HERC1: variants seen among roughly 807,000 people sequenced by gnomAD.
The protein encoded by HERC1 is HECT and RLD domain containing E3 ubiquitin protein ligase family member 1.
HERC1 carries 160 observed loss-of-function variants against 554.3 expected under a neutral mutation model. The ratio of observed to expected loss-of-function variants is 0.29; its 90% CI spans 0.25 to 0.33. The LOEUF (loss-of-function observed/expected upper bound fraction) is 0.33, where lower values mean the gene tolerates loss of function less well. Among genes scored for constraint, HERC1 ranks in the 10% least tolerant of loss-of-function variants. The pLI is 1.00. For missense variants in HERC1, 4,919 were observed against 5,918.5 expected, an observed-to-expected ratio of 0.83 and a Z score of 5.54; for synonymous variants, 2,175 against 2,131.7, an observed-to-expected ratio of 1.02 and a Z score of -0.56.
At chr15:63,705,434 T>C (rs368527946) in intron 25 of HERC1, among the ~76,000 whole-genome samples, 3 of 152,144 alleles carry the variant, frequency 2.0e-5, no homozygotes, top group African/African-American at 7.2e-5. Context: ...TCTATTCTAA[T>C]TGTAATTAAA....
chr15:63,640,137 T>C lies in HERC1; in HGVS notation c.11901+15A>G, dbSNP rs1472225948. On this transcript the variant is annotated intron_variant, in intron 61 of 77. Coordinates refer to ENST00000443617, the MANE Select transcript of HERC1 (RefSeq NM_003922.4). Reference sequence around the variant, plus strand: ...AATCTCAGCTGCAAATAATAGCAGCTCACAGTACATTTACCATTAGAAATA... The same window carrying C: ...AATCTCAGCTGCAAATAATAGCAGCCCACAGTACATTTACCATTAGAAATA... 2.5e-6 allele frequency: 4 copies of C among 1,610,330 alleles called. No individual in the cohort carries two copies. Among genetic ancestry groups the C allele is most frequent in the Non-Finnish European group, 3.4e-6 (4 of 1,177,228 alleles).
rs2069998709 is a variant in HERC1 at position 63,655,757 on chromosome 15, C to G, written c.10069G>C (p.Glu3357Gln). The change falls in exon 50 of 78, where the codon GAA becomes CAA. Residue 3357 changes from glutamate to glutamine, a missense_variant. Glu to Gln is a conservative substitution (Grantham distance 29). Coordinates refer to ENST00000443617, the MANE Select transcript of HERC1 (RefSeq NM_003922.4). ...AKLRPNYDKS[E>Q]VEKKGPLELA... The stretch of plus-strand genomic sequence containing the variant: ...TGAAACTTACCTTTCTTTTCAACTT[C>G]TGACTTATCATAGTTAGGTCTTAGT... The G allele has an allele frequency of 6.4e-7, 1 of 1,557,558 alleles. No individual in the cohort carries two copies. Among genetic ancestry groups the G allele is most frequent in the African/African-American group, 1.4e-5 (1 of 73,528 alleles).
intron 32 of HERC1, 67 bp from the exon 33 acceptor site, chr15:63,689,766 T>C (rs2071998102): frequency 1.1e-6 from 1 of 943,622 alleles, no homozygotes. Context: ...AGAAAAGCTG[T>C]ATCATGTTAA....
At chr15:63,763,200 G>C (rs1596187223) in intron 3 of HERC1, among the ~76,000 whole-genome samples, 1 of 152,180 alleles carries the variant, frequency 6.6e-6, no homozygotes, top group East Asian at 1.9e-4. Flanking sequence ...TGTTGGGTCT[G>C]ATCACCCCAA....
chr15:63,635,869 T>C (rs969963697), intron 65 of HERC1, 92 bp downstream of exon 65: 14 of 1,253,964 alleles, frequency 1.1e-5, no homozygotes, highest in Middle Eastern at 1.9e-4. Context: ...TAATATATTT[T>C]TACTATATTT....
intron 62 of HERC1, 62 bp downstream of exon 62, chr15:63,638,649 A>C: frequency 6.3e-7 from 1 of 1,584,320 alleles, no homozygotes. Flanking sequence ...ACAAACACAC[A>C]AGCATTTAGA....
intron 3 of HERC1, among the ~76,000 whole-genome samples, chr15:63,761,217 T>G (rs2075600518): frequency 6.6e-6 from 1 of 152,126 alleles, no homozygotes; most frequent in South Asian, 2.1e-4. Flanking sequence ...GAATAGACAC[T>G]GACACAGAGA....
chr15:63,774,570 TTTAA>T (rs2076062337), intron 2 of HERC1, 120 bp downstream of exon 2: 3 of 729,724 alleles, frequency 4.1e-6, no homozygotes, highest in African/African-American at 1.8e-5. Context: ...ATATGAAATA[TTTAA>T]TTAACTCAAC....
intron 44 of HERC1, 118 bp downstream of exon 44, chr15:63,662,866 G>A: frequency 1.4e-6 from 1 of 694,562 alleles, no homozygotes; most frequent in Middle Eastern, 3.6e-4. Flanking sequence ...CAAACCTCAG[G>A]ATGAGATAAA....
At chr15:63,812,767 T>G (rs1054364620) in intron 1 of HERC1, among the ~76,000 whole-genome samples, 4 of 151,680 alleles carry the variant, frequency 2.6e-5, no homozygotes, top group Non-Finnish European at 4.4e-5. Context: ...ATGCTAAAAA[T>G]TATAAAGAAA....
At chr15:63,744,889 C>T (rs1596134825) in intron 12 of HERC1, among the ~76,000 whole-genome samples, 2 of 152,170 alleles carry the variant, frequency 1.3e-5, no homozygotes, top group South Asian at 4.1e-4. Flanking sequence ...GTCTCAGAGG[C>T]TCACCCAAAG....
intron 1 of HERC1, among the ~76,000 whole-genome samples, chr15:63,788,875 A>AAG (rs2076538551): frequency 1.9e-5 from 2 of 106,252 alleles, no homozygotes; most frequent in African/African-American, 9.8e-5. Flanking sequence ...ACTCCGTCTC[A>AAG]AAAAAAAAAA....
chr15:63,652,492 C>T lies in HERC1; in HGVS notation c.10340G>A (p.Gly3447Asp). 1 of 1,607,604 alleles carries T rather than the reference C, an allele frequency of 6.2e-7. No homozygotes were observed. The highest frequency in any genetic ancestry group is 8.5e-7 in the Non-Finnish European group (1 of 1,176,248). Residue 3447 changes from glycine to aspartate, a missense_variant, in exon 52 of 78, where the codon GGC becomes GAC. Gly to Asp is a moderately conservative substitution (Grantham distance 94). This residue lies in a region of HERC1 where 1,963 missense variants were observed against 2,228.6 expected (regional missense o/e 0.88). Transcript: ENST00000443617. ...CNKKGLLATSGNDGTIRVWNV... is the reference protein window; with the variant it reads ...CNKKGLLATSDNDGTIRVWNV... ...CCATACGCGGATGGTGCCATCATTG[C>T]CACTTGTAGCCAAAAGACCTTTTTT...
At chr15:63,829,408 G>A (rs1404486532) in intron 1 of HERC1, among the ~76,000 whole-genome samples, 1 of 150,712 alleles carries the variant, frequency 6.6e-6, no homozygotes, top group Non-Finnish European at 1.5e-5. Flanking sequence ...GGGTGACAGA[G>A]TGAGGCCCTG....
chr15:63,668,328 C>T (rs1463355441), intron 40 of HERC1, among the ~76,000 whole-genome samples: 1 of 152,042 alleles, frequency 6.6e-6, no homozygotes, highest in Non-Finnish European at 1.5e-5. Flanking sequence ...CCTGTCTCTA[C>T]AAAAAATTAC....
At chr15:63,798,355 C>T (rs2076873241) in intron 1 of HERC1, among the ~76,000 whole-genome samples, 3 of 152,100 alleles carry the variant, frequency 2.0e-5, no homozygotes, top group African/African-American at 4.8e-5. Flanking sequence ...CCAACAACTG[C>T]CTCTTTACAA....
At chr15:63,745,584 C>T (rs1013034616) in intron 12 of HERC1, among the ~76,000 whole-genome samples, 1 of 152,200 alleles carries the variant, frequency 6.6e-6, no homozygotes, top group Non-Finnish European at 1.5e-5. Flanking sequence ...TCTCCCTCCC[C>T]AAGCACCCAG....
chr15:63,776,277 A>T (rs536190480), intron 1 of HERC1, among the ~76,000 whole-genome samples: 23 of 152,212 alleles, frequency 1.5e-4, no homozygotes, highest in Middle Eastern at 3.4e-3. Context: ...AAATTAACAT[A>T]TCCAAAACTG....
intron 65 of HERC1, 80 bp downstream of exon 65, chr15:63,635,879 TTC>T: frequency 7.3e-7 from 1 of 1,370,304 alleles, no homozygotes; most frequent in South Asian, 1.3e-5. Context: ...TTACTATATT[TTC>T]TGTTACCTAA....
Sources: allele counts gnomAD v4.1 joint callset (sites outside exome capture counted in the v4.1 genomes callset), GRCh38; gene constraint gnomAD v4.1.1; regional missense constraint gnomAD v4.1.1; transcripts MANE v1.5; gene names NCBI Gene and HGNC (gene_info 2026-07-23, HGNC 2026-07-21).